The following AOPEP variants were observed in gnomAD, a reference collection of about 807,000 sequenced individuals.
AOPEP encodes aminopeptidase O.
AOPEP carries 77 observed loss-of-function variants against 98.1 expected under a neutral mutation model. The observed-to-expected ratio is 0.78, with a 90% CI of 0.65 to 0.95. The LOEUF (loss-of-function observed/expected upper bound fraction) is 0.95. Among genes scored for constraint, AOPEP ranks in the 40% least tolerant of loss-of-function variants. The pLI is 0.00. For synonymous variants in AOPEP, 346 were observed against 365.3 expected (o/e 0.95, Z 0.60); for missense variants, 1,024 against 1,024.7 (o/e 1.00, Z 0.01).
At chr9:94,879,291 A>T (rs2047312371) in intron 5 of AOPEP, among the ~76,000 whole-genome samples, 1 of 152,256 alleles carries the variant, frequency 6.6e-6, no homozygotes, top group Non-Finnish European at 1.5e-5. Flanking sequence ...TTAAACTATA[A>T]ACTAAGTAAT....
In AOPEP at chr9:94,924,072, C is replaced by T; in HGVS notation, c.1451C>T (p.Ala484Val). Residue 484 changes from alanine to valine, a missense_variant, in exon 6 of 17, where the codon GCC becomes GTC. Coordinates refer to ENST00000375315, the MANE Select transcript of AOPEP (RefSeq NM_001193329.3). The stretch of plus-strand genomic sequence containing the variant: ...CGCCTCTGCCATGAAATTGCCCATG[C>T]CTGGTTTGGCCTAGCCATCGGGGCC... ...GTRLCHEIAH[A>V]WFGLAIGARD... 6.6e-7 allele frequency: 1 copy of T among 1,526,454 alleles called. No individual in the cohort carries two copies. The highest frequency in any genetic ancestry group is 1.2e-5 in the South Asian group (1 of 80,278). The allele number at this position is 1,526,454 out of a possible 1,614,324, so 94.6% of individuals were successfully genotyped here.
At chr9:94,736,568 A>G (rs1430075685) in intron 1 of AOPEP, among the ~76,000 whole-genome samples, 2 of 152,212 alleles carry the variant, frequency 1.3e-5, no homozygotes, top group African/African-American at 4.8e-5. Context: ...GTAATAAATT[A>G]TATTAGTTCT....
rs533070343 is a variant in AOPEP, at chr9:95,077,165, C to T, written c.2233-3529C>T. On this transcript the variant is annotated intron_variant, in intron 14 of 16. Coordinates refer to ENST00000375315, the MANE Select transcript of AOPEP (RefSeq NM_001193329.3). ...TGGCAGGCAGCCACAGCTGGCTGTC[C>T]CCAGGAGCCCAGGTTATGTGTTTCT... is the stretch of plus-strand genomic sequence containing the variant. Among the ~76,000 whole-genome samples, 181 of 152,272 alleles carry T rather than the reference C, an allele frequency of 1.2e-3. 1 individual carries two copies. In the South Asian group the frequency reaches 0.014, roughly 12 times the overall value.
chr9:95,126,409 G>C, the AOPEP span: 1 of 974,436 alleles, frequency 1.0e-6, no homozygotes, highest in Admixed American at 2.0e-5. Context: ...GAACAGGAGG[G>C]AATCAGAAAC....
In AOPEP at chr9:95,012,994, G is replaced by GT. The variant is rs886957212; in HGVS notation, c.2115+7378_2115+7379insT. On this transcript the variant is annotated intron_variant, in intron 13 of 16. Coordinates refer to ENST00000375315, the MANE Select transcript of AOPEP (RefSeq NM_001193329.3). The stretch of plus-strand genomic sequence containing the variant: ...GTTTTCCTGTTTTTTTTTTGGGGGG[G>GT]GGGGCAGGGCGATTATCTCTTATCT... 3.6e-5 allele frequency among the ~76,000 whole-genome samples: 5 copies of GT among 137,554 alleles called. 1 individual carries two copies. The highest frequency in any genetic ancestry group is 2.9e-4 in the Admixed American group (4 of 13,858). The allele number at this position is 137,554 out of a possible 152,430, so 90.2% of individuals were successfully genotyped here.
At chr9:95,127,651 A>C in the AOPEP span, among the ~76,000 whole-genome samples, 1 of 152,182 alleles carries the variant, frequency 6.6e-6, no homozygotes, top group Non-Finnish European at 1.5e-5. Context: ...CGCTATTGGA[A>C]ATTCAAGTCA....
intron 5 of AOPEP, among the ~76,000 whole-genome samples, chr9:94,803,746 C>A (rs190911819): frequency 1.9e-4 from 29 of 152,212 alleles, no homozygotes; most frequent in African/African-American, 5.3e-4. Flanking sequence ...ACTAACTGAC[C>A]CCCTCCCCTA....
the AOPEP span, chr9:95,114,396 C>T: frequency 6.9e-6 from 4 of 583,888 alleles, no homozygotes; most frequent in Middle Eastern, 4.7e-4. Flanking sequence ...GAAAACATTT[C>T]GATACAGGTA....
chr9:94,842,729 G>A (rs917325952), intron 5 of AOPEP, among the ~76,000 whole-genome samples: 2 of 151,870 alleles, frequency 1.3e-5, no homozygotes, highest in Non-Finnish European at 2.9e-5. Flanking sequence ...AAGATTTGTT[G>A]ACAAGAAATT....
At chr9:95,041,261 G>C (rs1329442922) in intron 13 of AOPEP, among the ~76,000 whole-genome samples, 1 of 152,144 alleles carries the variant, frequency 6.6e-6, no homozygotes, top group Non-Finnish European at 1.5e-5. Flanking sequence ...TTTGTAGCAA[G>C]AGTGACTTGC....
chr9:94,931,618 A>G (rs1257575784), intron 7 of AOPEP: 1 of 786,558 alleles, frequency 1.3e-6, no homozygotes, highest in Non-Finnish European at 2.1e-6. Context: ...TCCCTTAAAA[A>G]CAATCAGATG....
intron 14 of AOPEP, among the ~76,000 whole-genome samples, chr9:95,070,243 G>A (rs2068356429): frequency 6.6e-6 from 1 of 152,202 alleles, no homozygotes; most frequent in South Asian, 2.1e-4. Flanking sequence ...GTAAAGTCAA[G>A]TTAAATCTAA....
chr9:94,914,523 CGTGTGTGTGTGTGTGTGTGTGT>C (rs67826706), intron 5 of AOPEP, among the ~76,000 whole-genome samples: 4 of 143,606 alleles, frequency 2.8e-5, no homozygotes, highest in Non-Finnish European at 4.6e-5. Context: ...TGGCATTAGA[CGTGTGTGTGTGTGTGTGTGTGT>C]GTGTGTGTGT....
the AOPEP span, among the ~76,000 whole-genome samples, chr9:95,118,197 T>G: frequency 6.6e-6 from 1 of 152,070 alleles, no homozygotes; most frequent in Non-Finnish European, 1.5e-5. Context: ...TTTTGCATTT[T>G]TAGTGGAGAT....
At chr9:94,910,786 G>A (rs1006102312) in intron 5 of AOPEP, among the ~76,000 whole-genome samples, 5 of 152,122 alleles carry the variant, frequency 3.3e-5, no homozygotes, top group African/African-American at 9.7e-5. Context: ...AAGGATCTTG[G>A]GGGAGGGGCC....
chr9:94,950,909 A>G (rs2058054633), intron 7 of AOPEP, among the ~76,000 whole-genome samples: 1 of 152,368 alleles, frequency 6.6e-6, no homozygotes, highest in South Asian at 2.1e-4. Flanking sequence ...CCTTGGGGTT[A>G]TCCTGCAGGA....
chr9:94,730,565 A>T (rs1437072162), intron 1 of AOPEP, among the ~76,000 whole-genome samples: 5 of 152,232 alleles, frequency 3.3e-5, no homozygotes, highest in African/African-American at 1.2e-4. Flanking sequence ...GCTATTTGAG[A>T]ATAAACCTCT....
At chr9:95,107,069 G>A in the AOPEP span, 8 of 1,614,028 alleles carry the variant, frequency 5.0e-6, no homozygotes, top group African/African-American at 1.3e-5. Flanking sequence ...GACTTACCAG[G>A]GTGATGACAT....
intron 13 of AOPEP, among the ~76,000 whole-genome samples, chr9:95,006,924 C>T (rs1365498658): frequency 3.0e-5 from 4 of 132,692 alleles, no homozygotes; most frequent in African/African-American, 8.6e-5. Context: ...TTTTTTGAGA[C>T]GGAGTCTTGC....
Sources: gnomAD v4.1 joint callset for allele counts (sites outside exome capture counted in the v4.1 genomes callset) on GRCh38, gnomAD v4.1.1 for gene constraint, MANE v1.5 for transcripts, NCBI Gene and HGNC (gene_info 2026-07-23, HGNC 2026-07-21) for gene names.